Variants in ABCB1 observed in about 807,000 individuals in gnomAD.
The protein encoded by ABCB1 is ATP-dependent translocase ABCB1.
In ABCB1, 69 loss-of-function variants were observed where a neutral mutation model predicts 142.0. The ratio of observed to expected loss-of-function variants is 0.49; its 90% CI spans 0.40 to 0.59. The LOEUF (loss-of-function observed/expected upper bound fraction) is 0.59. Ranked by LOEUF, ABCB1 falls within the 20% of genes least tolerant of loss-of-function variation. The pLI, the probability that ABCB1 is intolerant of heterozygous loss-of-function variation, is 0.00. For missense variants in ABCB1, 1,326 were observed against 1,554.7 expected (o/e 0.85, Z 2.47); for synonymous variants, 532 against 539.2 (o/e 0.99, Z 0.18).
intron 19 of ABCB1, 71 bp from the exon 20 acceptor site, chr7:87,536,612 T>C: frequency 7.0e-7 from 1 of 1,433,536 alleles, no homozygotes; most frequent in Non-Finnish European, 9.8e-7. Flanking sequence ...AGGGCAGCGA[T>C]GGGGTCAGTT....
chr7:87,544,329 T>C, intron 16 of ABCB1, 54 bp from the exon 17 acceptor site: 2 of 1,553,524 alleles, frequency 1.3e-6, no homozygotes, highest in Non-Finnish European at 1.8e-6. Context: ...ATATGTACAA[T>C]TCTTACATAC....
At chr7:87,648,342 A>G (rs1823235544) in intron 1 of ABCB1, among the ~76,000 whole-genome samples, 1 of 152,162 alleles carries the variant, frequency 6.6e-6, no homozygotes, top group East Asian at 1.9e-4. Flanking sequence ...AAAGGAACTT[A>G]GTGGAGGCAA....
intron 1 of ABCB1, among the ~76,000 whole-genome samples, chr7:87,608,111 C>T (rs559616307): frequency 6.6e-6 from 1 of 152,224 alleles, no homozygotes; most frequent in Non-Finnish European, 1.5e-5. Context: ...GCAAATTTTG[C>T]CTTTTACTGA....
In ABCB1 at chr7:87,550,529, A is replaced by C. The variant is rs149196148; in HGVS notation, c.1163T>G (p.Ile388Ser). The change falls in exon 11 of 28, where the codon ATT (isoleucine) becomes AGT (serine). Residue 388 changes from isoleucine to serine, a missense_variant. Transcript: ENST00000622132. ...ATTTCTGAATTCCAAATTTCCCTTAATATTATCTGGTTTGTGCCCACTCTT... is the reference window on the plus strand; with the variant it reads ...ATTTCTGAATTCCAAATTTCCCTTACTATTATCTGGTTTGTGCCCACTCTT... ...YSKSGHKPDN[I>S]KGNLEFRNVH... is the part of the protein sequence containing the mutation. 69 of 1,613,446 alleles carry C rather than the reference A, an allele frequency of 4.3e-5. No homozygotes were observed. Among genetic ancestry groups the C allele is most frequent in the Non-Finnish European group, 5.6e-5 (66 of 1,180,000 alleles).
intron 1 of ABCB1, among the ~76,000 whole-genome samples, chr7:87,712,801 C>CACAA (rs533160703): frequency 8.2e-4 from 124 of 152,006 alleles, no homozygotes; most frequent in African/African-American, 2.9e-3. Context: ...CATGGCTTGG[C>CACAA]GTACAATGTC....
chr7:87,611,341 A>G (rs1179672706), intron 1 of ABCB1, among the ~76,000 whole-genome samples: 3 of 152,146 alleles, frequency 2.0e-5, no homozygotes, highest in African/African-American at 7.2e-5. Flanking sequence ...CAGAGTGCCC[A>G]TTAGGATGTT....
chr7:87,584,688 A>G (rs1818658523), intron 4 of ABCB1, among the ~76,000 whole-genome samples: 1 of 152,044 alleles, frequency 6.6e-6, no homozygotes, highest in African/African-American at 2.4e-5. Context: ...TTCCTACTTC[A>G]CTGAGAAAAC....
At chr7:87,565,728 G>T (rs909744454) in intron 7 of ABCB1, among the ~76,000 whole-genome samples, 1 of 151,968 alleles carries the variant, frequency 6.6e-6, no homozygotes, top group African/African-American at 2.4e-5. Context: ...ATCCACTAGA[G>T]AGCATGGTTC....
At chr7:87,556,859 C>T (rs1817332495) in intron 8 of ABCB1, among the ~76,000 whole-genome samples, 1 of 152,026 alleles carries the variant, frequency 6.6e-6, no homozygotes, top group African/African-American at 2.4e-5. Flanking sequence ...CTGGCCCCTG[C>T]CCACCCCAAT....
At chr7:87,524,198 A>G (rs1395415881) in intron 21 of ABCB1, among the ~76,000 whole-genome samples, 1 of 152,094 alleles carries the variant, frequency 6.6e-6, no homozygotes, top group Non-Finnish European at 1.5e-5. Context: ...AGAAACAAAA[A>G]CTTATTTAAA....
At chr7:87,682,134 C>T (rs1010238653) in intron 1 of ABCB1, among the ~76,000 whole-genome samples, 1 of 152,226 alleles carries the variant, frequency 6.6e-6, no homozygotes, top group African/African-American at 2.4e-5. Context: ...AACTCCTCAT[C>T]TGTTCAAGTT....
chr7:87,520,654 G>A, intron 22 of ABCB1, 122 bp downstream of exon 22: 1 of 836,690 alleles, frequency 1.2e-6, no homozygotes, highest in South Asian at 1.4e-5. Context: ...TTTCTCAATG[G>A]TTTACCTTCG....
chr7:87,631,386 T>A (rs538887961), intron 1 of ABCB1, among the ~76,000 whole-genome samples: 96 of 152,350 alleles, frequency 6.3e-4, no homozygotes, highest in Non-Finnish European at 9.0e-4. Flanking sequence ...ATTCTTTTTT[T>A]AATTTTTTAT....
rs1420748687 is a variant in ABCB1, at chr7:87,545,868, T to C, written c.1882A>G (p.Met628Val). 2.5e-6 allele frequency: 4 copies of C among 1,614,130 alleles called. No individual in the cohort carries two copies. Among genetic ancestry groups the C allele is most frequent in the South Asian group, 2.2e-5 (2 of 91,078 alleles). ...EKGIYFKLVTMQTAGNEVELE... is the reference protein window; with the variant it reads ...EKGIYFKLVTVQTAGNEVELE... ...ATTCTGAAGTTAAACTATACCTGCA[T>C]TGTGACAAGTTTGAAGTAAATGCCT... is the stretch of plus-strand genomic sequence containing the variant. The change falls in exon 15 of 28, where the codon ATG (methionine) becomes GTG (valine). Residue 628 changes from methionine to valine, a missense_variant. Physicochemically the swap from Met to Val is conservative, Grantham distance 21. Coordinates refer to ENST00000622132, the MANE Select transcript of ABCB1 (RefSeq NM_001348946.2).
At chr7:87,645,767 A>G (rs1822942288) in intron 1 of ABCB1, among the ~76,000 whole-genome samples, 1 of 152,136 alleles carries the variant, frequency 6.6e-6, no homozygotes, top group Non-Finnish European at 1.5e-5. Context: ...GATTCTCATT[A>G]CTCTGGCATA....
intron 1 of ABCB1, among the ~76,000 whole-genome samples, chr7:87,626,077 C>CATATATATATAT (rs372003612): frequency 1.2e-5 from 1 of 84,320 alleles, no homozygotes; most frequent in South Asian, 3.8e-4. Context: ...CAGGCTGAGA[C>CATATATATATAT]ATATATATAT....
chr7:87,693,963 T>A, intron 1 of ABCB1: 3 of 1,611,946 alleles, frequency 1.9e-6, no homozygotes, highest in Non-Finnish European at 2.5e-6. Flanking sequence ...TTCAAGGTAC[T>A]CTATGCTGGT....
intron 1 of ABCB1, among the ~76,000 whole-genome samples, chr7:87,664,833 T>G (rs929048937): frequency 1.3e-5 from 2 of 152,094 alleles, no homozygotes; most frequent in Non-Finnish European, 2.9e-5. Context: ...TAGCTATAAG[T>G]TCCTAGATTT....
intron 1 of ABCB1, among the ~76,000 whole-genome samples, chr7:87,695,624 G>C (rs1282100157): frequency 6.6e-6 from 1 of 152,132 alleles, no homozygotes; most frequent in Middle Eastern, 3.4e-3. Flanking sequence ...ACTTTCATTT[G>C]TGAAATCAGT....
Sources: gnomAD v4.1 joint callset for allele counts (sites outside exome capture counted in the v4.1 genomes callset) on GRCh38, gnomAD v4.1.1 for gene constraint, MANE v1.5 for transcripts, NCBI Gene and HGNC (gene_info 2026-07-23, HGNC 2026-07-21) for gene names.